The following VPS53 variants were observed in gnomAD, a reference collection of about 807,000 sequenced individuals.
The protein encoded by VPS53 is VPS53 subunit of GARP complex.
A neutral mutation model predicts 107.0 loss-of-function variants in VPS53; 70 were observed. The ratio of observed to expected loss-of-function variants is 0.65; its 90% CI spans 0.54 to 0.80. VPS53 has a LOEUF of 0.80. Among genes scored for constraint, VPS53 ranks in the 30% least tolerant of loss-of-function variants. VPS53 has a pLI of 0.00. For synonymous variants in VPS53, 409 were observed against 393.3 expected (o/e 1.04, Z -0.47); for missense variants, 917 against 1,049.4 (o/e 0.87, Z 1.74).
chr17:566,744 T>G (rs1913556458), intron 13 of VPS53, among the ~76,000 whole-genome samples: 2 of 152,100 alleles, frequency 1.3e-5, no homozygotes, highest in Admixed American at 1.3e-4. Flanking sequence ...TTTTTGTTTT[T>G]GTTTTTTGCT....
At chr17:647,148 G>C (rs564788421) in intron 7 of VPS53, among the ~76,000 whole-genome samples, 17 of 152,196 alleles carry the variant, frequency 1.1e-4, no homozygotes, top group African/African-American at 4.1e-4. Flanking sequence ...TTACTGTCAC[G>C]TTGGTAAGAT....
At chr17:631,118 G>A (rs1384346850) in intron 8 of VPS53, among the ~76,000 whole-genome samples, 1 of 152,030 alleles carries the variant, frequency 6.6e-6, no homozygotes, top group Admixed American at 6.6e-5. Flanking sequence ...CAGTAACAGT[G>A]AGGCTCCTCA....
chr17:619,411 A>G (rs1969350353), intron 11 of VPS53, among the ~76,000 whole-genome samples: 1 of 141,656 alleles, frequency 7.1e-6, no homozygotes, highest in Non-Finnish European at 1.5e-5. Flanking sequence ...AGCTGGGACT[A>G]CAGGCGTGCA....
chr17:590,545 A>C (rs1967588196), intron 12 of VPS53, among the ~76,000 whole-genome samples: 1 of 152,152 alleles, frequency 6.6e-6, no homozygotes, highest in Non-Finnish European at 1.5e-5. Context: ...ATTTTGAGAT[A>C]CGTCCCATCA....
At chr17:540,064 C>T (rs965204936) in intron 17 of VPS53, among the ~76,000 whole-genome samples, 1 of 150,782 alleles carries the variant, frequency 6.6e-6, no homozygotes, top group East Asian at 2.0e-4. Context: ...AACTTCCCCC[C>T]CGACCCGCCC....
intron 11 of VPS53, among the ~76,000 whole-genome samples, chr17:613,885 G>T (rs2143014737): frequency 6.6e-6 from 1 of 152,376 alleles, no homozygotes; most frequent in South Asian, 2.1e-4. Context: ...AATGTCCACA[G>T]CTGATGGAAG....
intron 6 of VPS53, among the ~76,000 whole-genome samples, chr17:654,234 C>G (rs1452877690): frequency 2.0e-5 from 3 of 152,084 alleles, no homozygotes; most frequent in Non-Finnish European, 4.4e-5. Context: ...AGCACTTTAC[C>G]TATTAACTGA....
chr17:625,331 G>A (rs963086642), intron 10 of VPS53, among the ~76,000 whole-genome samples: 21 of 152,128 alleles, frequency 1.4e-4, no homozygotes, highest in African/African-American at 4.8e-4. Context: ...ATGGAGCTCA[G>A]TGCACCTGTA....
intron 7 of VPS53, among the ~76,000 whole-genome samples, chr17:634,702 G>A (rs1224221207): frequency 6.6e-6 from 1 of 151,890 alleles, no homozygotes; most frequent in Admixed American, 6.6e-5. Context: ...AGCTTCATCT[G>A]TGTCCCTAAA....
intron 19 of VPS53, among the ~76,000 whole-genome samples, chr17:529,024 T>A (rs1487519644): frequency 6.6e-6 from 1 of 152,134 alleles, no homozygotes; most frequent in African/African-American, 2.4e-5. Flanking sequence ...AATGTATGAG[T>A]GTTCTAATTT....
chr17:632,336 CA>C (rs1312609564), intron 7 of VPS53, among the ~76,000 whole-genome samples: 1 of 151,968 alleles, frequency 6.6e-6, no homozygotes, highest in Non-Finnish European at 1.5e-5. Flanking sequence ...TACAGAATGG[CA>C]AGAGGGCTCC....
rs200410729 is a variant in VPS53, at chr17:623,530, T to C, written c.1116+3A>G. 1.9e-6 allele frequency: 3 copies of C among 1,611,578 alleles called. No homozygotes were observed. Among genetic ancestry groups the C allele is most frequent in the Admixed American group, 3.3e-5 (2 of 59,970 alleles). The stretch of plus-strand genomic sequence containing the variant: ...CGTGGCAGCTCCCTAGGGAAGGTCT[T>C]ACCAGGGTCCCATCGGTCAGGGTGC... On this transcript the variant is annotated splice_donor_region_variant and intron_variant, in intron 11 of 21. Transcript: ENST00000437048.
At position 635,493 on chromosome 17, in the gene VPS53, T is replaced by C. The variant is rs561222820; in HGVS notation, c.609-3865A>G. ...GCCCATGCCTATGTCCTGAATGGTATTGCCTAGGTTTTCTTCTAGGGTTTT... is the reference window on the plus strand; with the variant it reads ...GCCCATGCCTATGTCCTGAATGGTACTGCCTAGGTTTTCTTCTAGGGTTTT... On this transcript the variant is annotated intron_variant, in intron 7 of 21. Transcript: ENST00000437048. Among the ~76,000 whole-genome samples the C allele has an allele frequency of 2.7e-3, 411 of 152,334 alleles. 2 individuals carry two copies. Among genetic ancestry groups the C allele is most frequent in the Non-Finnish European group, 4.4e-3 (301 of 68,026 alleles).
At position 631,639 on chromosome 17, in the gene VPS53, G is replaced by A. The variant is rs559732590; in HGVS notation, c.609-11C>T. ...TGTGCAGCCTTCACTCTGTGAGGAA[G>A]AGAGAACATATCATCACCTGGCATC... is the stretch of plus-strand genomic sequence containing the variant. On this transcript the variant is annotated splice_polypyrimidine_tract_variant and intron_variant, in intron 7 of 21. Transcript: ENST00000437048. 1.2e-6 allele frequency: 2 copies of A among 1,612,938 alleles called. No homozygotes were observed. The highest frequency in any genetic ancestry group is 1.3e-5 in the African/African-American group (1 of 74,876).
intron 11 of VPS53, among the ~76,000 whole-genome samples, chr17:618,651 CGA>C (rs1969284137): frequency 6.6e-6 from 1 of 151,278 alleles, no homozygotes; most frequent in East Asian, 2.0e-4. Flanking sequence ...CAGGTGCCCA[CGA>C]CACCTGCTAA....
intron 7 of VPS53, among the ~76,000 whole-genome samples, chr17:637,954 C>T (rs1236501164): frequency 1.3e-5 from 2 of 152,172 alleles, no homozygotes; most frequent in Non-Finnish European, 2.9e-5. Context: ...ACAGCTAGTT[C>T]AATTCCTGGA....
At position 639,765 on chromosome 17, in the gene VPS53, C is replaced by T. The variant is rs367644950; in HGVS notation, c.609-8137G>A. On this transcript the variant is annotated intron_variant, in intron 7 of 21. Transcript: ENST00000437048. ...AACAGCCAATGTTGCTGCCTGACTT[C>T]GTCTCAGAGGGGTACGTGGCTGTGT... 6.6e-5 allele frequency among the ~76,000 whole-genome samples: 10 copies of T among 151,936 alleles called. No individual in the cohort carries two copies. The East Asian group carries it at 1.6e-3, about 24-fold the overall frequency.
intron 6 of VPS53, among the ~76,000 whole-genome samples, chr17:654,321 A>C (rs1971086362): frequency 6.6e-6 from 1 of 152,266 alleles, no homozygotes; most frequent in East Asian, 1.9e-4. Flanking sequence ...CTTAAATAAA[A>C]GGATGCTGAT....
chr17:696,472 T>C (rs747057390), intron 4 of VPS53, among the ~76,000 whole-genome samples: 2 of 152,224 alleles, frequency 1.3e-5, no homozygotes, highest in South Asian at 2.1e-4. Flanking sequence ...ATTGAAGCAA[T>C]TGCAAAGAAG....
Sources: allele counts gnomAD v4.1 joint callset (sites outside exome capture counted in the v4.1 genomes callset), GRCh38; gene constraint gnomAD v4.1.1; transcripts MANE v1.5; gene names NCBI Gene and HGNC (gene_info 2026-07-23, HGNC 2026-07-21).